SLC12A7: variants seen among roughly 807,000 people sequenced by gnomAD.
The protein encoded by SLC12A7 is K-Cl cotransporter 4.
In SLC12A7, 100 loss-of-function variants were observed where a neutral mutation model predicts 120.6. The observed-to-expected ratio is 0.83, with a 90% CI of 0.71 to 0.98. The LOEUF (loss-of-function observed/expected upper bound fraction) is 0.98. Among genes scored for constraint, SLC12A7 ranks in the 50% least tolerant of loss-of-function variants. The pLI is 0.00. For synonymous variants in SLC12A7, 760 were observed against 678.0 expected, an observed-to-expected ratio of 1.12 and a Z score of -1.88; for missense variants, 1,373 against 1,548.1, an observed-to-expected ratio of 0.89 and a Z score of 1.90.
the SLC12A7 span, among the ~76,000 whole-genome samples, chr5:1,118,703 T>A: frequency 2.0e-5 from 3 of 152,246 alleles, no homozygotes. Flanking sequence ...GAGCCTGGTC[T>A]CACCCATTTC....
the SLC12A7 span, among the ~76,000 whole-genome samples, chr5:1,154,060 C>T: frequency 1.4e-4 from 21 of 152,178 alleles, no homozygotes; most frequent in African/African-American, 5.1e-4. Flanking sequence ...AACCCTAACC[C>T]TAACCGAGAA....
chr5:1,059,565 C>T (rs542516615), intron 21 of SLC12A7, among the ~76,000 whole-genome samples: 22 of 152,354 alleles, frequency 1.4e-4, no homozygotes, highest in Admixed American at 7.8e-4. Flanking sequence ...AGGTGACCCC[C>T]GTGCTGTCCT....
intron 7 of SLC12A7, 117 bp downstream of exon 7, chr5:1,085,115 C>T: frequency 4.9e-6 from 7 of 1,423,208 alleles, no homozygotes; most frequent in Non-Finnish European, 6.6e-6. Flanking sequence ...CGGTCACACC[C>T]AGCCCACCCC....
At position 1,051,179 on chromosome 5, in the gene SLC12A7, G is replaced by A; in HGVS notation, c.*1181C>T. 2.7e-6 allele frequency: 1 copy of A among 375,470 alleles called. No individual in the cohort carries two copies. The highest frequency in any genetic ancestry group is 3.8e-5 in the East Asian group (1 of 26,326). The allele number at this position is 375,470 out of a possible 1,614,324, so 23.3% of individuals were successfully genotyped here. ...AGTGCAAAGTGTTGGGCCCTTGAAA[G>A]CTATCTCTTCAGTGCCACCGCCGCC... On this transcript the variant is annotated 3_prime_UTR_variant, in exon 24 of 24. Transcript: ENST00000264930.
At chr5:1,126,319 C>T in the SLC12A7 span, among the ~76,000 whole-genome samples, 1 of 152,180 alleles carries the variant, frequency 6.6e-6, no homozygotes, top group Non-Finnish European at 1.5e-5. Context: ...GAACTCCTGG[C>T]CTCAGGTAAT....
chr5:1,137,698 G>A, the SLC12A7 span, among the ~76,000 whole-genome samples: 1 of 152,236 alleles, frequency 6.6e-6, no homozygotes, highest in African/African-American at 2.4e-5. Flanking sequence ...ACATCTGGGC[G>A]ATTCGGGGCC....
At chr5:1,137,509 C>T in the SLC12A7 span, among the ~76,000 whole-genome samples, 1 of 152,210 alleles carries the variant, frequency 6.6e-6, no homozygotes, top group Non-Finnish European at 1.5e-5. Context: ...CTACACCTTC[C>T]CTTCCCGTTG....
In SLC12A7 at chr5:1,060,287, C is replaced by T. The variant is rs569788137; in HGVS notation, c.2847+57G>A. On this transcript the variant is annotated intron_variant, in intron 21 of 23. Transcript: ENST00000264930. Reference sequence around the variant, plus strand: ...CAGGAGGGTCCCAGAAAAGACTCGGCGAAGTCGGCTATACTTCTCAGAAAG... The same window carrying T: ...CAGGAGGGTCCCAGAAAAGACTCGGTGAAGTCGGCTATACTTCTCAGAAAG... 4.4e-5 allele frequency: 59 copies of T among 1,335,316 alleles called. 1 individual carries two copies. Among genetic ancestry groups the T allele is most frequent in the African/African-American group, 2.2e-4 (15 of 69,692 alleles). 82.7% of individuals were successfully genotyped at this position (1,335,316 alleles called of 1,614,324 possible).
rs1409702344 is a variant in SLC12A7, at chr5:1,086,986, C to T, written c.592G>A (p.Gly198Arg). Residue 198 changes from glycine (G) to arginine (R), a missense_variant, in exon 6 of 24, where the codon GGA (glycine) becomes AGA (arginine). Coordinates refer to ENST00000264930, the MANE Select transcript of SLC12A7 (RefSeq NM_006598.3). ...TAGAAGCAGAGGCCGACAGCGCCTC[C>T]AAACTCGGGTCCCAGCGAGCGCGAT... ...MISRSLGPEFGGAVGLCFYLG... is the reference protein window; with the variant it reads ...MISRSLGPEFRGAVGLCFYLG... The T allele has an allele frequency of 6.2e-7, 1 of 1,612,732 alleles. No homozygotes were observed. Among genetic ancestry groups the T allele is most frequent in the Non-Finnish European group, 8.5e-7 (1 of 1,180,012 alleles).
chr5:1,093,383 C>T (rs774722872), intron 3 of SLC12A7, 150 bp downstream of exon 3: 7 of 787,112 alleles, frequency 8.9e-6, no homozygotes, highest in African/African-American at 5.1e-5. Context: ...CAGGCACCAT[C>T]GAGCCCTCCC....
upstream of SLC12A7, among the ~76,000 whole-genome samples, chr5:1,112,333 C>CCCT (rs1743092648): frequency 3.8e-5 from 1 of 26,208 alleles, no homozygotes; most frequent in Admixed American, 3.0e-4. Context: ...GAACTCCCCG[C>CCCT]CCTCCCCGCC....
chr5:1,082,087 C>T (rs13178313), intron 8 of SLC12A7, among the ~76,000 whole-genome samples: 1 of 50,210 alleles, frequency 2.0e-5, no homozygotes, highest in African/African-American at 7.7e-5. Context: ...TTCTGGAAAG[C>T]CTGGGCTTCC....
intron 1 of SLC12A7, among the ~76,000 whole-genome samples, chr5:1,107,153 T>C (rs1176840804): frequency 6.6e-6 from 1 of 152,230 alleles, no homozygotes; most frequent in Non-Finnish European, 1.5e-5. Context: ...TTTCTTCCCC[T>C]AATACTCACG....
the SLC12A7 span, among the ~76,000 whole-genome samples, chr5:1,120,368 G>A: frequency 1.3e-5 from 2 of 152,362 alleles, no homozygotes; most frequent in East Asian, 3.9e-4. Context: ...AGGAAACGCT[G>A]AACCCGGAGG....
chr5:1,055,994 C>A (rs1387217135), intron 22 of SLC12A7, among the ~76,000 whole-genome samples: 2 of 152,148 alleles, frequency 1.3e-5, no homozygotes, highest in African/African-American at 4.8e-5. Flanking sequence ...ATGGCCCAGG[C>A]GGTTACTGGC....
In SLC12A7 at chr5:1,086,971, G is replaced by A. The variant is rs746354858; in HGVS notation, c.607C>T (p.Leu203Phe). The A allele has an allele frequency of 8.4e-5, 136 of 1,612,748 alleles. No individual in the cohort carries two copies. The highest frequency in any genetic ancestry group is 1.1e-4 in the Non-Finnish European group (133 of 1,180,012). Residue 203 changes from leucine to phenylalanine, a missense_variant, in exon 6 of 24, where the codon CTC (leucine) becomes TTC (phenylalanine). By Grantham distance (22) the Leu-to-Phe change is conservative. Transcript: ENST00000264930. ...AACGTCGTGCCCAGGTAGAAGCAGA[G>A]GCCGACAGCGCCTCCAAACTCGGGT... ...LGPEFGGAVG[L>F]CFYLGTTFAG...
At chr5:1,146,113 G>A in the SLC12A7 span, among the ~76,000 whole-genome samples, 1 of 152,134 alleles carries the variant, frequency 6.6e-6, no homozygotes, top group East Asian at 1.9e-4. This position sits in a 1 kb window ranked among gnomAD's most constrained non-coding sequence, Gnocchi z 6.5. Flanking sequence ...CTGCAGGATT[G>A]ACCTTTCTGT....
intron 8 of SLC12A7, 23 bp from the exon 9 acceptor site, chr5:1,081,767 T>C (rs1385442325): frequency 6.2e-7 from 1 of 1,602,786 alleles, no homozygotes; most frequent in Non-Finnish European, 8.5e-7. Context: ...GAAGATCCCA[T>C]GGGTTTCTGG....
chr5:1,105,013 A>G (rs973135545), intron 1 of SLC12A7, among the ~76,000 whole-genome samples: 11 of 146,482 alleles, frequency 7.5e-5, no homozygotes, highest in African/African-American at 2.8e-4. Context: ...CACCAGTCAA[A>G]AGGACCCTCC....
Sources: allele counts gnomAD v4.1 joint callset (sites outside exome capture counted in the v4.1 genomes callset), GRCh38; gene constraint gnomAD v4.1.1; non-coding constraint Gnocchi (gnomAD v3.1); transcripts MANE v1.5; gene names NCBI Gene and HGNC (gene_info 2026-07-23, HGNC 2026-07-21).